DLG2: variants seen among roughly 807,000 people sequenced by gnomAD.
DLG2 encodes disks large homolog 2.
DLG2 carries 45 observed loss-of-function variants against 132.5 expected under a neutral mutation model. That is an observed-to-expected ratio of 0.34 (90% CI 0.27 to 0.44). The LOEUF (loss-of-function observed/expected upper bound fraction) is 0.44. Ranked by LOEUF, DLG2 falls within the 20% of genes least tolerant of loss-of-function variation. The probability of loss-of-function intolerance (pLI) is 1.00; values close to 1 mark genes in which losing one functional copy is unlikely to be tolerated. For missense variants in DLG2, 1,045 were observed against 1,196.9 expected, an observed-to-expected ratio of 0.87 and a Z score of 1.87; for synonymous variants, 424 against 419.6, an observed-to-expected ratio of 1.01 and a Z score of -0.13.
intron 7 of DLG2, among the ~76,000 whole-genome samples, chr11:84,434,310 T>A (rs1189640194): frequency 6.6e-6 from 1 of 152,132 alleles, no homozygotes; most frequent in East Asian, 1.9e-4. Context: ...GTAAACATTA[T>A]CACTTTGAAA....
intron 6 of DLG2, among the ~76,000 whole-genome samples, chr11:85,074,184 C>G (rs1449231677): frequency 5.3e-5 from 8 of 151,830 alleles, no homozygotes; most frequent in African/African-American, 1.9e-4. Flanking sequence ...GTACACCAAA[C>G]CCCTGCAACA....
intron 17 of DLG2, chr11:83,789,994 A>G (rs2041104381): frequency 2.2e-6 from 3 of 1,372,402 alleles, no homozygotes. Context: ...CCTGTAAATA[A>G]TCCTTCATTT....
At chr11:83,546,260 C>T (rs1403168808) in intron 19 of DLG2, among the ~76,000 whole-genome samples, 1 of 152,122 alleles carries the variant, frequency 6.6e-6, no homozygotes, top group Non-Finnish European at 1.5e-5. Flanking sequence ...ATTTTATATT[C>T]ATTGTCTCAC....
chr11:84,642,065 CGTGTGTGTGTGTGTGTGTAT>C (rs2099667552), intron 6 of DLG2, among the ~76,000 whole-genome samples: 1 of 138,218 alleles, frequency 7.2e-6, no homozygotes. Flanking sequence ...TATACGCACG[CGTGTGTGTGTGTGTGTGTAT>C]ATGTAGAGTG....
intron 16 of DLG2, among the ~76,000 whole-genome samples, chr11:83,868,689 G>T (rs1390927857): frequency 6.6e-6 from 1 of 151,970 alleles, no homozygotes; most frequent in African/African-American, 2.4e-5. Flanking sequence ...CAAAGGCTCA[G>T]ATTTTCGACC....
chr11:84,534,019 T>C (rs941514985), intron 7 of DLG2, among the ~76,000 whole-genome samples: 2 of 151,804 alleles, frequency 1.3e-5, no homozygotes, highest in African/African-American at 4.8e-5. Flanking sequence ...AAATATAATT[T>C]ATCAAGCAAT....
At chr11:85,525,382 T>A (rs906632880) in intron 3 of DLG2, among the ~76,000 whole-genome samples, 1 of 152,342 alleles carries the variant, frequency 6.6e-6, no homozygotes. Context: ...GTTTTCATTA[T>A]CATTATCTAT....
chr11:85,271,374 C>G (rs1371020681), intron 4 of DLG2, among the ~76,000 whole-genome samples: 1 of 152,258 alleles, frequency 6.6e-6, no homozygotes, highest in Non-Finnish European at 1.5e-5. Context: ...GTGGGGCACT[C>G]ATGCAGAACC....
chr11:85,504,691 T>C (rs1344049090), intron 3 of DLG2, among the ~76,000 whole-genome samples: 1 of 152,210 alleles, frequency 6.6e-6, no homozygotes, highest in African/African-American at 2.4e-5. Context: ...GTCTTGGCAA[T>C]GCAGGCTCTT....
At chr11:83,543,866 G>A (rs2096159589) in intron 19 of DLG2, among the ~76,000 whole-genome samples, 1 of 152,154 alleles carries the variant, frequency 6.6e-6, no homozygotes, top group Non-Finnish European at 1.5e-5. Flanking sequence ...GTGGCCCTTG[G>A]CTGACATCTG....
At chr11:84,845,390 C>A (rs1487043955) in intron 6 of DLG2, among the ~76,000 whole-genome samples, 1 of 152,058 alleles carries the variant, frequency 6.6e-6, no homozygotes, top group African/African-American at 2.4e-5. Context: ...AAACAAAATT[C>A]TCTGCTCTCC....
intron 6 of DLG2, among the ~76,000 whole-genome samples, chr11:84,540,940 G>T (rs1565241671): frequency 6.6e-6 from 1 of 152,152 alleles, no homozygotes; most frequent in Non-Finnish European, 1.5e-5. Flanking sequence ...CTATCACAAG[G>T]ACAGAAAACC....
intron 6 of DLG2, among the ~76,000 whole-genome samples, chr11:85,048,716 T>C (rs1362620280): frequency 6.6e-6 from 1 of 151,950 alleles, no homozygotes; most frequent in Non-Finnish European, 1.5e-5. Context: ...ATCAAAACAA[T>C]GGGATTTTGT....
intron 18 of DLG2, chr11:83,724,924 T>C: frequency 1.4e-6 from 1 of 702,458 alleles, no homozygotes; most frequent in Non-Finnish European, 2.6e-6. Flanking sequence ...TTCAGCTCTG[T>C]TCCCTCCTCC....
At chr11:84,442,990 C>A (rs969041129) in intron 7 of DLG2, among the ~76,000 whole-genome samples, 1 of 151,956 alleles carries the variant, frequency 6.6e-6, no homozygotes, top group Non-Finnish European at 1.5e-5. Flanking sequence ...CAAACTGGCC[C>A]GGCTGCAGAT....
chr11:84,535,064 A>G (rs2099352155), intron 6 of DLG2, among the ~76,000 whole-genome samples: 1 of 152,216 alleles, frequency 6.6e-6, no homozygotes, highest in African/African-American at 2.4e-5. Flanking sequence ...TCCTGACCAG[A>G]GTAGCTAAGT....
intron 3 of DLG2, among the ~76,000 whole-genome samples, chr11:85,360,218 G>A (rs1179071417): frequency 1.3e-5 from 2 of 152,136 alleles, no homozygotes; most frequent in East Asian, 1.9e-4. Context: ...ATAAAAGTAC[G>A]CAATACACTG....
At chr11:84,155,037 G>C (rs1249218584) in intron 9 of DLG2, among the ~76,000 whole-genome samples, 3 of 152,106 alleles carry the variant, frequency 2.0e-5, no homozygotes, top group Non-Finnish European at 4.4e-5. Context: ...CTAATATCCA[G>C]AATCTACAAA....
chr11:84,710,400 TGGA>T (rs1156401646), intron 6 of DLG2, among the ~76,000 whole-genome samples: 4 of 151,954 alleles, frequency 2.6e-5, no homozygotes, highest in Admixed American at 6.6e-5. Flanking sequence ...TTTCTCCAAA[TGGA>T]GATTTTCACC....
Sources: gnomAD v4.1 joint callset for allele counts (sites outside exome capture counted in the v4.1 genomes callset) on GRCh38, gnomAD v4.1.1 for gene constraint, MANE v1.5 for transcripts, NCBI Gene and HGNC (gene_info 2026-07-23, HGNC 2026-07-21) for gene names.